The following RASGRF1 variants were observed in gnomAD, a reference collection of about 807,000 sequenced individuals.
RASGRF1 encodes ras-specific guanine nucleotide-releasing factor 1.
Under a neutral mutation model 138.7 loss-of-function variants are expected in RASGRF1, and 40 were observed. The ratio of observed to expected loss-of-function variants is 0.29; its 90% CI spans 0.22 to 0.38. RASGRF1 has a LOEUF of 0.38. RASGRF1 is among the 10% of genes least tolerant of loss of function. RASGRF1 has a pLI of 1.00. For missense variants in RASGRF1, 1,108 were observed against 1,650.4 expected (o/e 0.67, Z 5.69); for synonymous variants, 614 against 663.2 (o/e 0.93, Z 1.14).
chr15:78,965,955 G>C (rs7174314), intron 26 of RASGRF1, among the ~76,000 whole-genome samples: 19,899 of 152,208 alleles, frequency 0.13, 1,414 homozygotes, highest in East Asian at 0.25. Flanking sequence ...GGTCGACTGA[G>C]AGAAGGATGT....
intron 25 of RASGRF1, among the ~76,000 whole-genome samples, chr15:78,972,135 G>A (rs773023262): frequency 2.0e-5 from 3 of 152,004 alleles, no homozygotes; most frequent in Non-Finnish European, 4.4e-5. Context: ...TCACTCTGTC[G>A]CCCAGGCTGG....
At chr15:79,071,545 T>A (rs978867729) in intron 1 of RASGRF1, among the ~76,000 whole-genome samples, 1 of 151,356 alleles carries the variant, frequency 6.6e-6, no homozygotes, top group Non-Finnish European at 1.5e-5. Context: ...TTTTTTTGTA[T>A]TTTTAGTAGA....
intron 15 of RASGRF1, among the ~76,000 whole-genome samples, 170 bp from the exon 16 acceptor site, chr15:79,001,957 C>A (rs1239514850): frequency 6.6e-6 from 1 of 152,166 alleles, no homozygotes; most frequent in East Asian, 1.9e-4. Flanking sequence ...CTCATCAGAA[C>A]CTTTCTCTTG....
chr15:79,089,858 G>T (rs987966834), intron 1 of RASGRF1, among the ~76,000 whole-genome samples: 1 of 152,168 alleles, frequency 6.6e-6, no homozygotes, highest in Non-Finnish European at 1.5e-5. Flanking sequence ...CGGTGGGAGT[G>T]GGGGTTGGGA....
chr15:78,963,827 C>T (rs1401122316), intron 26 of RASGRF1, among the ~76,000 whole-genome samples: 1 of 152,214 alleles, frequency 6.6e-6, no homozygotes, highest in Non-Finnish European at 1.5e-5. Flanking sequence ...GTTTAACCTA[C>T]ACCCAGTGAT....
chr15:78,968,778 A>T (rs2055694488), intron 26 of RASGRF1, among the ~76,000 whole-genome samples: 1 of 152,184 alleles, frequency 6.6e-6, no homozygotes, highest in Non-Finnish European at 1.5e-5. Flanking sequence ...GGCATCACCT[A>T]ACAGGCTCCT....
At chr15:79,087,206 G>A (rs183699056) in intron 1 of RASGRF1, among the ~76,000 whole-genome samples, 1 of 152,330 alleles carries the variant, frequency 6.6e-6, no homozygotes, top group African/African-American at 2.4e-5. Context: ...CACGGGGTGA[G>A]GAGCTCACCC....
At chr15:79,022,464 C>CA (rs958775013) in intron 10 of RASGRF1, among the ~76,000 whole-genome samples, 18 of 146,192 alleles carry the variant, frequency 1.2e-4, no homozygotes, top group Non-Finnish European at 2.6e-4. Context: ...CAACCCCCCC[C>CA]CAAAAACCCC....
In RASGRF1 at chr15:78,995,778, C is replaced by T. The variant is rs1350638794; in HGVS notation, c.2989G>A (p.Gly997Ser). The change falls in exon 20 of 27, where the codon GGT becomes AGT. Residue 997 changes from glycine to serine, a missense_variant. Physicochemically the swap from Gly to Ser is moderately conservative, Grantham distance 56. Coordinates refer to ENST00000558480, the MANE Select transcript of RASGRF1 (RefSeq NM_001145648.3). Reference protein sequence around the residue: ...IIRTLTQEDPGDNQITLEEIT... With the variant: ...IIRTLTQEDPSDNQITLEEIT... The stretch of plus-strand genomic sequence containing the variant: ...TCCTCCAGCGTGATCTGGTTGTCAC[C>T]TGGGTCCTCCTGGGTCAGAGTCCTA... The T allele has an allele frequency of 6.2e-7, 1 of 1,614,196 alleles. No homozygotes were observed. Among genetic ancestry groups the T allele is most frequent in the Non-Finnish European group, 8.5e-7 (1 of 1,180,032 alleles).
intron 21 of RASGRF1, among the ~76,000 whole-genome samples, 198 bp downstream of exon 21, chr15:78,991,493 G>C (rs958004488): frequency 1.3e-5 from 2 of 152,168 alleles, no homozygotes; most frequent in Admixed American, 1.3e-4. Context: ...TGTGTGTGCA[G>C]CTGACAGGTA....
At chr15:79,088,147 G>A (rs1197479505) in intron 1 of RASGRF1, among the ~76,000 whole-genome samples, 1 of 152,152 alleles carries the variant, frequency 6.6e-6, no homozygotes, top group Non-Finnish European at 1.5e-5. Context: ...ATGAATTCTA[G>A]GTCTGATTCT....
At chr15:78,972,649 A>G (rs2055788209) in intron 25 of RASGRF1, among the ~76,000 whole-genome samples, 2 of 152,132 alleles carry the variant, frequency 1.3e-5, no homozygotes, top group South Asian at 4.1e-4. Context: ...TGGTGCCTGA[A>G]AAAACCCTTT....
intron 26 of RASGRF1, among the ~76,000 whole-genome samples, chr15:78,969,977 A>G (rs2055718429): frequency 6.6e-6 from 1 of 152,212 alleles, no homozygotes; most frequent in Non-Finnish European, 1.5e-5. Flanking sequence ...AGTTTAACTA[A>G]TTGTAGTTAG....
In RASGRF1 at chr15:79,059,981, CA is replaced by C. The variant is rs1595951601; in HGVS notation, c.384-1501del. On this transcript the variant is annotated intron_variant, in intron 2 of 26. Transcript: ENST00000558480. The stretch of plus-strand genomic sequence containing the variant: ...TGATACACTCACACACACACACACA[CA>C]GACACACAGACACACACACACACAC... Among the ~76,000 whole-genome samples, 6 of 8,442 alleles carry C rather than the reference CA, an allele frequency of 7.1e-4. No homozygotes were observed. The East Asian group carries it at 0.048, about 68-fold the overall frequency. The allele number at this position is 8,442 out of a possible 152,430, so 5.5% of individuals were successfully genotyped here. A position where few individuals can be genotyped will look rare whatever the true frequency, so the allele number is the denominator to read the frequency against.
intron 1 of RASGRF1, among the ~76,000 whole-genome samples, chr15:79,086,438 C>T (rs907001468): frequency 1.3e-5 from 2 of 152,148 alleles, no homozygotes; most frequent in Non-Finnish European, 1.5e-5. Flanking sequence ...AATGAGTGTA[C>T]TCATTAACCT....
intron 9 of RASGRF1, among the ~76,000 whole-genome samples, chr15:79,026,543 C>T (rs989972773): frequency 2.6e-5 from 4 of 152,172 alleles, no homozygotes; most frequent in African/African-American, 9.7e-5. Context: ...CCCAGAACCC[C>T]CTGTACGTCT....
intron 5 of RASGRF1, among the ~76,000 whole-genome samples, chr15:79,038,892 C>T (rs572485307): frequency 8.0e-4 from 122 of 152,158 alleles, no homozygotes; most frequent in African/African-American, 2.8e-3. Flanking sequence ...CTTTGGTGTA[C>T]GATATGAATA....
At chr15:79,056,717 G>C (rs893300019) in intron 3 of RASGRF1, among the ~76,000 whole-genome samples, 1 of 152,106 alleles carries the variant, frequency 6.6e-6, no homozygotes, top group African/African-American at 2.4e-5. Context: ...TGACCTTGAG[G>C]TTGCAAGTTG....
chr15:79,079,315 T>C (rs1420241724), intron 1 of RASGRF1, among the ~76,000 whole-genome samples: 1 of 152,204 alleles, frequency 6.6e-6, no homozygotes, highest in Non-Finnish European at 1.5e-5. Flanking sequence ...AACTTCAGTA[T>C]GGATATATCT....
Sources: gnomAD v4.1 joint callset for allele counts (sites outside exome capture counted in the v4.1 genomes callset) on GRCh38, gnomAD v4.1.1 for gene constraint, MANE v1.5 for transcripts, NCBI Gene and HGNC (gene_info 2026-07-23, HGNC 2026-07-21) for gene names.